SGMS2: variants seen among roughly 807,000 people sequenced by gnomAD.
SGMS2 encodes the protein phosphatidylcholine:ceramide cholinephosphotransferase 2.
In SGMS2, 21 loss-of-function variants were observed where a neutral mutation model predicts 43.8. The ratio of observed to expected loss-of-function variants is 0.48; its 90% CI spans 0.34 to 0.69. The LOEUF is 0.69. Among genes scored for constraint, SGMS2 ranks in the 30% least tolerant of loss-of-function variants. SGMS2 has a pLI of 0.01. For synonymous variants in SGMS2, 167 were observed against 160.6 expected (o/e 1.04, Z -0.30); for missense variants, 384 against 443.2 (o/e 0.87, Z 1.20).
At position 107,903,285 on chromosome 4, in the gene SGMS2, G is replaced by A. The variant is rs369557577; in HGVS notation, c.626G>A (p.Gly209Asp). 8 of 1,614,036 alleles carry A rather than the reference G, an allele frequency of 5.0e-6. No homozygotes were observed. Among genetic ancestry groups the A allele is most frequent in the Non-Finnish European group, 6.8e-6 (8 of 1,179,956 alleles). ...CAACGGATTCTACGATTGATTTCTG[G>A]TGGTGGATTGTCCATAACTGGATCA... Reference protein sequence around the residue: ...KVQRILRLISGGGLSITGSHI... With the variant: ...KVQRILRLISDGGLSITGSHI... Residue 209 changes from glycine to aspartate, a missense_variant, in exon 5 of 7, where the codon GGT becomes GAT. Coordinates refer to ENST00000690982, the MANE Select transcript of SGMS2 (RefSeq NM_001375905.1).
chr4:107,889,315 A>T (rs1353016125), intron 2 of SGMS2, among the ~76,000 whole-genome samples: 2 of 152,206 alleles, frequency 1.3e-5, no homozygotes, highest in Non-Finnish European at 2.9e-5. Flanking sequence ...AAATTTTGAC[A>T]CCTTATAGTA....
At chr4:107,855,096 C>T (rs1324133727) in intron 1 of SGMS2, among the ~76,000 whole-genome samples, 2 of 152,110 alleles carry the variant, frequency 1.3e-5, no homozygotes, top group Admixed American at 1.3e-4. Context: ...AACTAGTATG[C>T]TCTATTTTAA....
At chr4:107,860,507 C>CCTCTCTGAGAGGCA (rs1241439265) in intron 2 of SGMS2, among the ~76,000 whole-genome samples, 3 of 151,144 alleles carry the variant, frequency 2.0e-5, no homozygotes, top group South Asian at 4.2e-4. Context: ...CATTAAATTG[C>CCTCTCTGAGAGGCA]ATCTCTGAGA....
intron 4 of SGMS2, among the ~76,000 whole-genome samples, chr4:107,901,423 T>TTGC (rs1319976176): frequency 6.6e-6 from 1 of 152,212 alleles, no homozygotes. Context: ...GTCTCCTGTG[T>TTGC]TGCTGACTCT....
intron 1 of SGMS2, among the ~76,000 whole-genome samples, chr4:107,839,341 A>G (rs993188844): frequency 4.0e-5 from 6 of 151,262 alleles, no homozygotes; most frequent in South Asian, 2.1e-4. Flanking sequence ...CTCCACCCCA[A>G]CGGTAGTTAT....
At position 107,908,582 on chromosome 4, in the gene SGMS2, T is replaced by C; in HGVS notation, c.745T>C (p.Trp249Arg). The C allele has an allele frequency of 6.2e-7, 1 of 1,613,726 alleles. No homozygotes were observed. Among genetic ancestry groups the C allele is most frequent in the Non-Finnish European group, 8.5e-7 (1 of 1,179,852 alleles). The change falls in exon 6 of 7, where the codon TGG (tryptophan) becomes CGG (arginine). Residue 249 changes from tryptophan to arginine, a missense_variant. Trp to Arg is a moderately radical substitution (Grantham distance 101). Transcript: ENST00000690982. ...CTGTCCAGATTCGCCTCGTCACTTC[T>C]GGTGGTATCATTTAATCTGCTGGCT... is the stretch of plus-strand genomic sequence containing the variant. Reference protein sequence around the residue: ...FIKEYSPRHFWWYHLICWLLS... With the variant: ...FIKEYSPRHFRWYHLICWLLS...
intron 1 of SGMS2, among the ~76,000 whole-genome samples, chr4:107,843,347 G>A (rs528847017): frequency 6.8e-4 from 103 of 152,268 alleles, no homozygotes; most frequent in Middle Eastern, 3.4e-3. Flanking sequence ...ATTCTAAAGA[G>A]AATGTGGATT....
At chr4:107,857,641 A>G (rs1487491924) in intron 1 of SGMS2, among the ~76,000 whole-genome samples, 2 of 151,912 alleles carry the variant, frequency 1.3e-5, no homozygotes, top group Non-Finnish European at 1.5e-5. Flanking sequence ...TGAACTGCAG[A>G]CCTCTGGCCA....
At chr4:107,879,011 A>G (rs2126076378) in intron 2 of SGMS2, among the ~76,000 whole-genome samples, 1 of 152,144 alleles carries the variant, frequency 6.6e-6, no homozygotes, top group South Asian at 2.1e-4. Flanking sequence ...AGATACTCTC[A>G]GTTCTACAGT....
chr4:107,833,862 T>C (rs1350416812), intron 1 of SGMS2, among the ~76,000 whole-genome samples: 2 of 151,808 alleles, frequency 1.3e-5, no homozygotes, highest in African/African-American at 2.4e-5. Flanking sequence ...AGCAGGAGAG[T>C]TGACATTATT....
At chr4:107,900,540 T>G (rs1296957993) in intron 4 of SGMS2, among the ~76,000 whole-genome samples, 5 of 151,866 alleles carry the variant, frequency 3.3e-5, no homozygotes, top group Non-Finnish European at 7.4e-5. Context: ...AAAGAGAGAG[T>G]GGCCTTTGAC....
chr4:107,883,626 A>G (rs923963191), intron 2 of SGMS2, among the ~76,000 whole-genome samples: 2 of 152,230 alleles, frequency 1.3e-5, no homozygotes, highest in African/African-American at 2.4e-5. Flanking sequence ...TATAGTTACT[A>G]TGGTATCACA....
At chr4:107,853,111 A>C (rs1727242879) in intron 1 of SGMS2, among the ~76,000 whole-genome samples, 1 of 152,160 alleles carries the variant, frequency 6.6e-6, no homozygotes, top group South Asian at 2.1e-4. Flanking sequence ...TAACCTTAGG[A>C]GGTTAATCAT....
chr4:107,876,826 A>G (rs534392908), intron 2 of SGMS2, among the ~76,000 whole-genome samples: 1 of 152,222 alleles, frequency 6.6e-6, no homozygotes, highest in African/African-American at 2.4e-5. Flanking sequence ...GTTGACTTTG[A>G]TTATGATCTA....
intron 3 of SGMS2, among the ~76,000 whole-genome samples, chr4:107,898,716 G>T (rs1167952698): frequency 1.3e-5 from 2 of 152,124 alleles, no homozygotes; most frequent in African/African-American, 4.8e-5. Context: ...TGAGGCAATG[G>T]TACAGTGGCA....
chr4:107,847,000 A>G (rs1726866315), intron 1 of SGMS2, among the ~76,000 whole-genome samples: 2 of 152,044 alleles, frequency 1.3e-5, no homozygotes, highest in African/African-American at 4.8e-5. Context: ...CTCATTGTAG[A>G]TTCTGGATAT....
chr4:107,836,149 A>C (rs1726158224), intron 1 of SGMS2, among the ~76,000 whole-genome samples: 1 of 152,152 alleles, frequency 6.6e-6, no homozygotes, highest in African/African-American at 2.4e-5. Flanking sequence ...TATATTCTAC[A>C]CTTACAGATA....
At chr4:107,884,579 C>G (rs1042094399) in intron 2 of SGMS2, among the ~76,000 whole-genome samples, 3 of 152,208 alleles carry the variant, frequency 2.0e-5, no homozygotes, top group African/African-American at 4.8e-5. Flanking sequence ...CTGGGAACTG[C>G]TTAGGGCAAA....
chr4:107,885,227 AT>A (rs34938267), intron 2 of SGMS2, among the ~76,000 whole-genome samples: 26,577 of 149,814 alleles, frequency 0.18, 2,767 homozygotes, highest in African/African-American at 0.29. Flanking sequence ...GTTTTGTTAC[AT>A]TTTTTTTTTT....
Sources: allele counts gnomAD v4.1 joint callset (sites outside exome capture counted in the v4.1 genomes callset), GRCh38; gene constraint gnomAD v4.1.1; transcripts MANE v1.5; gene names NCBI Gene and HGNC (gene_info 2026-07-23, HGNC 2026-07-21).